The following CATSPERD variants were observed in gnomAD, a reference collection of about 807,000 sequenced individuals.
CATSPERD encodes the protein cation channel sperm-associated auxiliary subunit delta.
A neutral mutation model predicts 98.1 loss-of-function variants in CATSPERD; 86 were observed. That is an observed-to-expected ratio of 0.88 (90% confidence interval 0.74 to 1.05). The LOEUF (loss-of-function observed/expected upper bound fraction) is 1.05. CATSPERD is among the 50% of genes least tolerant of loss of function. The pLI, the probability that CATSPERD is intolerant of heterozygous loss-of-function variation, is 0.00. For missense variants in CATSPERD, 995 were observed against 1,005.7 expected (o/e 0.99, Z 0.14); for synonymous variants, 394 against 390.2 (o/e 1.01, Z -0.12).
intron 11 of CATSPERD, among the ~76,000 whole-genome samples, chr19:5,751,362 A>C (rs1337653949): frequency 6.6e-6 from 1 of 150,518 alleles, no homozygotes; most frequent in Non-Finnish European, 1.5e-5. Flanking sequence ...GTCCCTACTA[A>C]AAAATACAAA....
At chr19:5,733,814 A>G (rs1171546960) in intron 4 of CATSPERD, 42 bp from the exon 5 acceptor site, 2 of 1,328,590 alleles carry the variant, frequency 1.5e-6, no homozygotes, top group African/African-American at 3.0e-5. Context: ...TCAATGTTTG[A>G]AAAGATGCTC....
chr19:5,757,977 G>GC lies in CATSPERD; in HGVS notation c.1368+50dup, dbSNP rs2056359458. On this transcript the variant is annotated intron_variant, in intron 14 of 21. Transcript: ENST00000381624. Reference sequence around the variant, plus strand: ...AACCCTGTCGCCTGTCCCTTGAGAGGCCCCCTCTTCCTCCTTCCCTTATCA... The same window carrying GC: ...AACCCTGTCGCCTGTCCCTTGAGAGGCCCCCCTCTTCCTCCTTCCCTTATCA... The GC allele has an allele frequency of 1.2e-5, 18 of 1,507,978 alleles. No homozygotes were observed. In the East Asian group the frequency reaches 4.2e-4, roughly 35 times the overall value. The allele number at this position is 1,507,978 out of a possible 1,614,324, so 93.4% of individuals were successfully genotyped here. A position where few individuals can be genotyped will look rare whatever the true frequency, so the allele number is the denominator to read the frequency against.
intron 8 of CATSPERD, 44 bp downstream of exon 8, chr19:5,744,554 C>T (rs748147493): frequency 3.6e-6 from 5 of 1,398,606 alleles, no homozygotes; most frequent in Non-Finnish European, 4.9e-6. Flanking sequence ...GACCTTTGCC[C>T]AAGCCCAGGT....
intron 13 of CATSPERD, among the ~76,000 whole-genome samples, chr19:5,756,138 G>A (rs922528410): frequency 1.1e-4 from 16 of 151,860 alleles, no homozygotes; most frequent in South Asian, 2.1e-4. Context: ...AAAATTAGCC[G>A]GGTGTGGTGG....
chr19:5,735,656 G>A (rs776873871), intron 5 of CATSPERD, among the ~76,000 whole-genome samples: 1 of 151,626 alleles, frequency 6.6e-6, no homozygotes, highest in Admixed American at 6.6e-5. Flanking sequence ...TATGTTTTTA[G>A]TATAGATGGG....
At chr19:5,727,197 A>C (rs1172263356) in intron 2 of CATSPERD, 71 bp from the exon 3 acceptor site, 1 of 1,273,772 alleles carries the variant, frequency 7.9e-7, no homozygotes, top group Admixed American at 1.8e-5. Context: ...TCTTGTCTCA[A>C]AAAAAAAAAT....
intron 12 of CATSPERD, among the ~76,000 whole-genome samples, chr19:5,752,488 T>C (rs934610477): frequency 2.0e-5 from 3 of 151,402 alleles, no homozygotes; most frequent in Non-Finnish European, 4.4e-5. Flanking sequence ...AACACTAATT[T>C]AAAAAAAGAG....
intron 12 of CATSPERD, among the ~76,000 whole-genome samples, chr19:5,752,456 A>C (rs2056238956): frequency 6.6e-6 from 1 of 151,594 alleles, no homozygotes; most frequent in South Asian, 2.1e-4. Context: ...CCTGGGTGAC[A>C]AAATGAGATC....
intron 4 of CATSPERD, among the ~76,000 whole-genome samples, chr19:5,730,400 G>A (rs760175531): frequency 1.1e-4 from 17 of 151,818 alleles, no homozygotes; most frequent in South Asian, 4.2e-4. Context: ...AAAATTACCC[G>A]GGCGTGGTGG....
In CATSPERD at chr19:5,745,983, T is replaced by C; in HGVS notation, c.728T>C (p.Leu243Pro). The C allele has an allele frequency of 6.2e-7, 1 of 1,614,156 alleles. No individual in the cohort carries two copies. The highest frequency in any genetic ancestry group is 1.1e-5 in the South Asian group (1 of 91,082). ...CTGTCTTTTGACTATAATGGGACTC[T>C]AGACATCCTCATCGCCCCCGGCCAG... ...FGLSFDYNGT[L>P]DILIAPGQRG... Residue 243 changes from leucine (L) to proline (P), a missense_variant, in exon 9 of 22, where the codon CTA becomes CCA. Coordinates refer to ENST00000381624, the MANE Select transcript of CATSPERD (RefSeq NM_152784.4).
intron 12 of CATSPERD, among the ~76,000 whole-genome samples, chr19:5,752,231 C>T (rs1241893406): frequency 6.6e-6 from 1 of 152,032 alleles, no homozygotes; most frequent in African/African-American, 2.4e-5. Flanking sequence ...ATCTCTTTAA[C>T]CTGGGAGGCA....
rs188167018 is a variant in CATSPERD, at chr19:5,740,793, G to A, written c.573+1354G>A. 8.0e-3 allele frequency among the ~76,000 whole-genome samples: 1,150 copies of A among 144,048 alleles called. 6 individuals are homozygous for A. Among genetic ancestry groups the A allele is most frequent in the Non-Finnish European group, 0.013 (880 of 66,162 alleles). The allele number at this position is 144,048 out of a possible 152,430, so 94.5% of individuals were successfully genotyped here. On this transcript the variant is annotated intron_variant, in intron 7 of 21. Coordinates refer to ENST00000381624, the MANE Select transcript of CATSPERD (RefSeq NM_152784.4). The stretch of plus-strand genomic sequence containing the variant: ...AAAAAAAAAAAAAAAAAAAGCTAGC[G>A]CCCAGCCGTGTAGGGACATGGTGGC...
In CATSPERD at chr19:5,733,970, G is replaced by T. The variant is rs1426216507; in HGVS notation, c.391G>T (p.Gly131Cys). 6.4e-7 allele frequency: 1 copy of T among 1,559,526 alleles called. No individual in the cohort carries two copies. The highest frequency in any genetic ancestry group is 8.8e-7 in the Non-Finnish European group (1 of 1,139,132). ...AAATAATTCTTGGAGCATGTCTTTAGGTATGTACATTTTGTATTTTTAAAT... is the reference window on the plus strand; with the variant it reads ...AAATAATTCTTGGAGCATGTCTTTATGTATGTACATTTTGTATTTTTAAAT... The part of the protein sequence containing the change: ...YENNSWSMSL[G>C]IKHPVTHVSG... The change falls in exon 5 of 22, where the codon GGT (glycine) becomes TGT (cysteine). Residue 131 changes from glycine (G) to cysteine (C), a missense_variant and splice_region_variant. By Grantham distance (159) the Gly-to-Cys change is radical. Transcript: ENST00000381624.
At chr19:5,737,242 TCTC>T in intron 6 of CATSPERD, 37 bp downstream of exon 6, 1 of 1,405,370 alleles carries the variant, frequency 7.1e-7, no homozygotes, top group Non-Finnish European at 1.0e-6. Context: ...TTTTTTTTGC[TCTC>T]CTCTGAACAC....
Position 5,751,790 on chromosome 19 carries a change from C to T in CATSPERD, c.1131C>T (p.Leu377=), listed in dbSNP as rs776096131. The change falls in exon 12 of 22, where the codon CTC becomes CTT. Residue 377 remains leucine, a synonymous_variant. Coordinates refer to ENST00000381624, the MANE Select transcript of CATSPERD (RefSeq NM_152784.4). Reference sequence around the variant, plus strand: ...GCCTCGTGAATATCCAGGCGCTTCTCATGGACCCTGAACTCCACGTTGGAA... The same window carrying T: ...GCCTCGTGAATATCCAGGCGCTTCTTATGGACCCTGAACTCCACGTTGGAA... ...QKCLVNIQAL[L]MDPELHVGKC... is the part of the protein sequence containing the mutation. The T allele has an allele frequency of 3.3e-5, 53 of 1,613,414 alleles. No homozygotes were observed. Among genetic ancestry groups the T allele is most frequent in the South Asian group, 2.3e-4 (21 of 91,060 alleles).
intron 1 of CATSPERD, among the ~76,000 whole-genome samples, chr19:5,722,405 G>GCA (rs2055507287): frequency 6.6e-6 from 1 of 152,198 alleles, no homozygotes; most frequent in South Asian, 2.1e-4. Context: ...ACAGGCGTGT[G>GCA]CCACCGCGCC....
At chr19:5,748,859 G>A (rs1243419429) in intron 10 of CATSPERD, among the ~76,000 whole-genome samples, 1 of 147,962 alleles carries the variant, frequency 6.8e-6, no homozygotes, top group African/African-American at 2.5e-5. Flanking sequence ...CTCCTGAGTA[G>A]CTGGGACTAC....
chr19:5,742,323 CGTGTGCATGTGTGTACATGTGTGT>C lies in CATSPERD; in HGVS notation c.574-2093_574-2070del, dbSNP rs1410606778. On this transcript the variant is annotated intron_variant, in intron 7 of 21. Coordinates refer to ENST00000381624, the MANE Select transcript of CATSPERD (RefSeq NM_152784.4). The stretch of plus-strand genomic sequence containing the variant: ...GTATGTGAATGTGTGTGTGGGTGTG[CGTGTGCATGTGTGTACATGTGTGT>C]GTGTGCATGTATGTTTGTGCGTGTG... Among the ~76,000 whole-genome samples the C allele has an allele frequency of 1.4e-3, 180 of 126,412 alleles. 1 individual carries two copies. Among genetic ancestry groups the C allele is most frequent in the African/African-American group, 4.8e-3 (171 of 35,574 alleles). The allele number at this position is 126,412 out of a possible 152,430, so 82.9% of individuals were successfully genotyped here.
chr19:5,721,664 T>C (rs1464181981), intron 1 of CATSPERD, among the ~76,000 whole-genome samples: 1 of 152,078 alleles, frequency 6.6e-6, no homozygotes, highest in Non-Finnish European at 1.5e-5. Context: ...CTTATTTTAT[T>C]TTATTTATTA....
Sources: gnomAD v4.1 joint callset for allele counts (sites outside exome capture counted in the v4.1 genomes callset) on GRCh38, gnomAD v4.1.1 for gene constraint, MANE v1.5 for transcripts, NCBI Gene and HGNC (gene_info 2026-07-23, HGNC 2026-07-21) for gene names.